Variants in PRKCZ observed in about 807,000 individuals in gnomAD.
PRKCZ encodes the protein protein kinase C zeta, also known as protein kinase C zeta type.
A neutral mutation model predicts 79.5 loss-of-function variants in PRKCZ; 33 were observed. That is an observed-to-expected ratio of 0.41 (90% CI 0.31 to 0.55). The LOEUF (loss-of-function observed/expected upper bound fraction) is 0.55. Ranked by LOEUF, PRKCZ falls within the 20% of genes least tolerant of loss-of-function variation. The probability of loss-of-function intolerance (pLI) is 0.19; values close to 1 mark genes in which losing one functional copy is unlikely to be tolerated. For synonymous variants in PRKCZ, 342 were observed against 320.9 expected (o/e 1.07, Z -0.70); for missense variants, 578 against 813.5 (o/e 0.71, Z 3.52).
At chr1:2,101,694 A>G (rs1667466575) in intron 4 of PRKCZ, among the ~76,000 whole-genome samples, 1 of 152,108 alleles carries the variant, frequency 6.6e-6, no homozygotes, top group Non-Finnish European at 1.5e-5. Context: ...GTTTGCGAAG[A>G]TGACATGAGC....
Position 2,185,038 on chromosome 1 carries a change from C to T in PRKCZ, c.*29C>T, listed in dbSNP as rs1435139269. On this transcript the variant is annotated 3_prime_UTR_variant, in exon 18 of 18. Coordinates refer to ENST00000378567, the MANE Select transcript of PRKCZ (RefSeq NM_002744.6). ...CGCGTGCGTCTCTGTCGTGGACACG[C>T]GTGATTGACCCTTTAACTGTATCCT... is the stretch of plus-strand genomic sequence containing the variant. 13 of 1,569,266 alleles carry T rather than the reference C, an allele frequency of 8.3e-6. No homozygotes were observed. Among genetic ancestry groups the T allele is most frequent in the Middle Eastern group, 1.7e-4 (1 of 6,008 alleles).
intron 4 of PRKCZ, among the ~76,000 whole-genome samples, chr1:2,101,518 C>T (rs189851518): frequency 5.3e-5 from 8 of 152,326 alleles, no homozygotes; most frequent in East Asian, 1.9e-4. Context: ...CCATTTCTTT[C>T]GTTCATTCAT....
intron 5 of PRKCZ, among the ~76,000 whole-genome samples, chr1:2,138,526 A>G (rs1419529747): frequency 6.6e-6 from 1 of 152,234 alleles, no homozygotes; most frequent in African/African-American, 2.4e-5. Flanking sequence ...GGGATCCTCC[A>G]GTAAATCCTG....
Position 2,184,246 on chromosome 1 carries a change from C to T in PRKCZ, c.1576-337C>T, listed in dbSNP as rs1311278779. ...GTCAGGGTTCCAAGACGTCATGAGA[C>T]GGCTTGTTCAGCCAGTTAGTTGTCG... On this transcript the variant is annotated intron_variant, in intron 16 of 17. Coordinates refer to ENST00000378567, the MANE Select transcript of PRKCZ (RefSeq NM_002744.6). 3.0e-5 allele frequency: 9 copies of T among 298,400 alleles called. No individual in the cohort carries two copies. In the East Asian group the frequency reaches 3.7e-4, roughly 12 times the overall value. The allele number at this position is 298,400 out of a possible 1,614,324, so 18.5% of individuals were successfully genotyped here.
At chr1:2,098,307 A>G (rs920422479) in intron 4 of PRKCZ, 4 of 152,296 alleles carry the variant, frequency 2.6e-5, no homozygotes, top group Non-Finnish European at 4.4e-5. Flanking sequence ...AACAATTTAC[A>G]GGCTAAAACC....
At chr1:2,081,334 G>A (rs1339385500) in intron 4 of PRKCZ, among the ~76,000 whole-genome samples, 1 of 144,724 alleles carries the variant, frequency 6.9e-6, no homozygotes, top group East Asian at 2.3e-4. Context: ...TTGGGGCAGC[G>A]ATGAGGCCAG....
intron 3 of PRKCZ, among the ~76,000 whole-genome samples, chr1:2,057,750 G>T (rs912781427): frequency 6.6e-6 from 1 of 152,124 alleles, no homozygotes; most frequent in African/African-American, 2.4e-5. Flanking sequence ...CTGTCCCCAG[G>T]CTGGAGTGCA....
rs569938095 is a variant in PRKCZ, at chr1:2,088,939, T to G, written c.334+29348T>G. On this transcript the variant is annotated intron_variant, in intron 4 of 17. Coordinates refer to ENST00000378567, the MANE Select transcript of PRKCZ (RefSeq NM_002744.6). ...CCCTGGTGAGCCTGTCACTTTTGTTTTATTTTGTTTTGTTTTCCGAGAGCA... is the reference window on the plus strand; with the variant it reads ...CCCTGGTGAGCCTGTCACTTTTGTTGTATTTTGTTTTGTTTTCCGAGAGCA... Among the ~76,000 whole-genome samples, 34 of 152,322 alleles carry G rather than the reference T, an allele frequency of 2.2e-4. No homozygotes were observed. The South Asian group carries it at 7.0e-3, about 32-fold the overall frequency.
intron 5 of PRKCZ, among the ~76,000 whole-genome samples, chr1:2,136,848 A>C (rs1676295879): frequency 6.6e-6 from 1 of 152,170 alleles, no homozygotes; most frequent in African/African-American, 2.4e-5. Flanking sequence ...TAAACAATGG[A>C]AACTTGCTCT....
intron 10 of PRKCZ, among the ~76,000 whole-genome samples, chr1:2,161,159 C>T (rs1008305431): frequency 2.0e-5 from 3 of 152,346 alleles, no homozygotes; most frequent in Non-Finnish European, 2.9e-5. Flanking sequence ...CCAGCGTGGG[C>T]GCAGCCGCCT....
At position 2,173,392 on chromosome 1, in the gene PRKCZ, G is replaced by A. The variant is rs529443405; in HGVS notation, c.1286-505G>A. 6.6e-5 allele frequency among the ~76,000 whole-genome samples: 10 copies of A among 152,298 alleles called. No individual in the cohort carries two copies. The highest frequency in any genetic ancestry group is 6.2e-4 in the South Asian group (3 of 4,824). The stretch of plus-strand genomic sequence containing the variant: ...AGGGACCAGGGGGACTTCCGGGGAC[G>A]CAGAGACAGCTGCTGTCCTTGGGCA... On this transcript the variant is annotated intron_variant, in intron 13 of 17. Transcript: ENST00000378567. This position sits in a 1 kb window ranked among gnomAD's most constrained non-coding sequence, Gnocchi z 5.7.
At chr1:2,059,722 C>T (rs968757911) in intron 4 of PRKCZ, 131 bp downstream of exon 4, 22 of 1,210,296 alleles carry the variant, frequency 1.8e-5, no homozygotes, top group Admixed American at 3.9e-5. Context: ...CAGGAGCAGC[C>T]GTGGTGACCG....
At chr1:2,132,118 T>G (rs899667619) in intron 4 of PRKCZ, among the ~76,000 whole-genome samples, 12 of 152,166 alleles carry the variant, frequency 7.9e-5, no homozygotes, top group Non-Finnish European at 1.2e-4. Context: ...GTATTGGGTT[T>G]GTTTGTTTGT....
At position 2,174,536 on chromosome 1, in the gene PRKCZ, C is replaced by A. The variant is rs1451555369; in HGVS notation, c.1406-218C>A. ...CTGAGGAAGGGGAGCTGCTGGTTCA[C>A]GTCCGATCCTACGACACGTGCCAGC... On this transcript the variant is annotated intron_variant, in intron 14 of 17. Coordinates refer to ENST00000378567, the MANE Select transcript of PRKCZ (RefSeq NM_002744.6). This position sits in a 1 kb window ranked among gnomAD's most constrained non-coding sequence, Gnocchi z 6.2. 6.6e-6 allele frequency among the ~76,000 whole-genome samples: 1 copy of A among 152,240 alleles called. No individual in the cohort carries two copies. The highest frequency in any genetic ancestry group is 1.9e-4 in the East Asian group (1 of 5,196).
intron 4 of PRKCZ, among the ~76,000 whole-genome samples, chr1:2,126,147 C>G (rs527793109): frequency 1.4e-4 from 22 of 152,326 alleles, no homozygotes; most frequent in African/African-American, 4.8e-4. Flanking sequence ...GTCTCCTCCC[C>G]CCGCCTGCAC....
chr1:2,117,887 C>T (rs1372559275), intron 4 of PRKCZ, among the ~76,000 whole-genome samples: 2 of 151,494 alleles, frequency 1.3e-5, no homozygotes, highest in Non-Finnish European at 2.9e-5. Context: ...TGTAGTGTGC[C>T]TCGTTTGGTT....
chr1:2,114,158 T>A (rs939514500), intron 4 of PRKCZ, among the ~76,000 whole-genome samples: 1 of 136,212 alleles, frequency 7.3e-6, no homozygotes, highest in Non-Finnish European at 1.6e-5. Flanking sequence ...CCAGCTTTTC[T>A]CCAGGAGGAC....
At chr1:2,057,693 C>T (rs1353543121) in intron 3 of PRKCZ, among the ~76,000 whole-genome samples, 1 of 151,958 alleles carries the variant, frequency 6.6e-6, no homozygotes, top group Non-Finnish European at 1.5e-5. Context: ...TAGTGAGACC[C>T]CCCCCTCTCC....
At chr1:2,109,508 C>G (rs1191345689) in intron 4 of PRKCZ, among the ~76,000 whole-genome samples, 1 of 152,204 alleles carries the variant, frequency 6.6e-6, no homozygotes, top group Non-Finnish European at 1.5e-5. Context: ...GGATTGCAAC[C>G]CTAGACAGAG....
Sources: allele counts gnomAD v4.1 joint callset (sites outside exome capture counted in the v4.1 genomes callset), GRCh38; gene constraint gnomAD v4.1.1; non-coding constraint Gnocchi (gnomAD v3.1); transcripts MANE v1.5; gene names NCBI Gene and HGNC (gene_info 2026-07-23, HGNC 2026-07-21).